MERTK: variants seen among roughly 807,000 people sequenced by gnomAD.
MERTK encodes MER proto-oncogene, tyrosine kinase.
Under a neutral mutation model 99.3 loss-of-function variants are expected in MERTK, and 69 were observed. That is an observed-to-expected ratio of 0.70 (90% CI 0.57 to 0.85). The LOEUF (loss-of-function observed/expected upper bound fraction) is 0.85, where lower values mean the gene tolerates loss of function less well. Among genes scored for constraint, MERTK ranks in the 40% least tolerant of loss-of-function variants. MERTK has a pLI of 0.00. For missense variants in MERTK, 1,125 were observed against 1,249.4 expected (o/e 0.90, Z 1.50); for synonymous variants, 426 against 467.6 (o/e 0.91, Z 1.15).
Position 111,903,070 on chromosome 2 carries a change from C to T in MERTK, c.61+4274C>T, listed in dbSNP as rs1467498548. On this transcript the variant is annotated intron_variant, in intron 1 of 18. Coordinates refer to ENST00000295408, the MANE Select transcript of MERTK (RefSeq NM_006343.3). ...CAGAGATTACAGGCGTGAGCTATGG[C>T]ACCCAGCCTTACCTCTTTGTTTACT... 2.0e-5 allele frequency among the ~76,000 whole-genome samples: 3 copies of T among 152,328 alleles called. No individual in the cohort carries two copies. In the East Asian group the frequency reaches 5.8e-4, roughly 29 times the overall value.
At chr2:111,905,429 T>G (rs1434522244) in intron 1 of MERTK, among the ~76,000 whole-genome samples, 2 of 121,678 alleles carry the variant, frequency 1.6e-5, no homozygotes, top group Admixed American at 1.1e-4. Context: ...AAACCTACAC[T>G]GTTCTTTTTT....
At position 111,947,579 on chromosome 2, in the gene MERTK, C is replaced by T; in HGVS notation, c.757+12C>T. On this transcript the variant is annotated intron_variant, in intron 4 of 18. Transcript: ENST00000295408. ...GCTAACTGTTCCAGGTAAGTCCGAGCTGTGGGCTTATTGATTTATTCTCTA... is the reference window on the plus strand; with the variant it reads ...GCTAACTGTTCCAGGTAAGTCCGAGTTGTGGGCTTATTGATTTATTCTCTA... 1 of 1,613,746 alleles carries T rather than the reference C, an allele frequency of 6.2e-7. No homozygotes were observed. Among genetic ancestry groups the T allele is most frequent in the Non-Finnish European group, 8.5e-7 (1 of 1,179,900 alleles).
intron 18 of MERTK, among the ~76,000 whole-genome samples, chr2:112,026,643 G>A (rs1248471102): frequency 4.6e-5 from 7 of 152,224 alleles, no homozygotes; most frequent in Admixed American, 1.3e-4. Context: ...GAAATGCGCC[G>A]TGCCGTTGTC....
chr2:111,954,464 A>T (rs1220857773), intron 4 of MERTK, among the ~76,000 whole-genome samples: 1 of 152,168 alleles, frequency 6.6e-6, no homozygotes, highest in Non-Finnish European at 1.5e-5. Context: ...AGTGATTATT[A>T]TGTATGATTT....
chr2:111,923,286 C>A (rs1684499289), intron 1 of MERTK, among the ~76,000 whole-genome samples: 1 of 152,158 alleles, frequency 6.6e-6, no homozygotes, highest in Non-Finnish European at 1.5e-5. Context: ...TAATCAGGTC[C>A]CTTGGGCCTG....
At chr2:112,000,844 G>A (rs1392029270) in intron 10 of MERTK, among the ~76,000 whole-genome samples, 2 of 152,154 alleles carry the variant, frequency 1.3e-5, no homozygotes, top group Admixed American at 6.5e-5. Context: ...GGAGATTGGT[G>A]TCTTTTCTTC....
At chr2:112,022,636 C>A in intron 18 of MERTK, 1 of 738,796 alleles carries the variant, frequency 1.4e-6, no homozygotes, top group Non-Finnish European at 2.5e-6. Context: ...CAGTCTCGAA[C>A]GACAGGCACG....
chr2:112,009,950 G>A lies in MERTK; in HGVS notation c.1963G>A (p.Val655Met), dbSNP rs754159862. ...SHPNVIRLLGVCIEMSSQGIP... is the reference protein window; with the variant it reads ...SHPNVIRLLGMCIEMSSQGIP... ...TGATGCTGTGTTTGTAATTTCAGGT[G>A]TGTGTATAGAAATGAGCTCTCAAGG... Residue 655 changes from valine to methionine, a missense_variant and splice_region_variant, in exon 15 of 19, where the codon GTG becomes ATG. Val to Met is a conservative substitution (Grantham distance 21, BLOSUM62 1). Coordinates refer to ENST00000295408, the MANE Select transcript of MERTK (RefSeq NM_006343.3). 8.7e-6 allele frequency: 14 copies of A among 1,602,384 alleles called. No homozygotes were observed. Among genetic ancestry groups the A allele is most frequent in the South Asian group, 1.1e-5 (1 of 90,850 alleles).
intron 2 of MERTK, among the ~76,000 whole-genome samples, chr2:111,943,887 A>G (rs961633981): frequency 1.3e-5 from 2 of 152,118 alleles, no homozygotes; most frequent in African/African-American, 2.4e-5. Context: ...GCCCCTAAAA[A>G]CCCATGGAGC....
rs796928519 is a variant in MERTK, at chr2:111,929,416, C to T, written c.358C>T (p.Pro120Ser). 7 of 1,613,960 alleles carry T rather than the reference C, an allele frequency of 4.3e-6. No homozygotes were observed. The African/African-American group carries it at 9.3e-5, about 22-fold the overall frequency. Reference protein sequence around the residue: ...GVKFNCSISVPNIYQDTTISW... With the variant: ...GVKFNCSISVSNIYQDTTISW... ...CAAATTTAATTGCTCAATCAGTGTA[C>T]CTAATATATACCAGGACACCACAAT... The change falls in exon 2 of 19, where the codon CCT (proline) becomes TCT (serine). Residue 120 changes from proline (P) to serine (S), a missense_variant. Pro to Ser is a moderately conservative substitution (Grantham distance 74, BLOSUM62 -1). Coordinates refer to ENST00000295408, the MANE Select transcript of MERTK (RefSeq NM_006343.3).
At chr2:111,935,947 T>C (rs934002903) in intron 2 of MERTK, among the ~76,000 whole-genome samples, 9 of 152,096 alleles carry the variant, frequency 5.9e-5, no homozygotes, top group Non-Finnish European at 1.3e-4. Flanking sequence ...GACAGAGTCT[T>C]GCTCTGTCAC....
At position 111,944,534 on chromosome 2, in the gene MERTK, G is replaced by GTTTTAGGGAATTATTC. The variant is rs1573589856; in HGVS notation, c.483-426_483-425insTTTTAGGGAATTATTC. Among the ~76,000 whole-genome samples the GTTTTAGGGAATTATTC allele has an allele frequency of 8.5e-5, 2 of 23,604 alleles. 1 individual carries two copies. The highest frequency in any genetic ancestry group is 1.9e-4 in the Non-Finnish European group (2 of 10,480). 15.5% of individuals were successfully genotyped at this position (23,604 alleles called of 152,430 possible). A position where few individuals can be genotyped will look rare whatever the true frequency, so the allele number is the denominator to read the frequency against. ...ATAATTCCTCTGTTTTAAGGAATTA[G>GTTTTAGGGAATTATTC]CTCACACACAGTGGGGGCTGACAAA... On this transcript the variant is annotated intron_variant, in intron 2 of 18. Transcript: ENST00000295408.
chr2:112,008,573 C>T (rs369239426), intron 14 of MERTK, 98 bp downstream of exon 14: 10 of 868,032 alleles, frequency 1.2e-5, no homozygotes, highest in African/African-American at 1.6e-5. Flanking sequence ...GTTTACACTT[C>T]GTATAACCCC....
chr2:111,980,608 C>T (rs180878054), intron 7 of MERTK, among the ~76,000 whole-genome samples: 13 of 151,978 alleles, frequency 8.6e-5, no homozygotes, highest in South Asian at 2.1e-4. Context: ...TTAGTAGAGA[C>T]GGGGTTTCAC....
intron 18 of MERTK, among the ~76,000 whole-genome samples, chr2:112,024,421 GT>G (rs753369175): frequency 1.1e-4 from 16 of 152,252 alleles, no homozygotes; most frequent in Non-Finnish European, 1.9e-4. Flanking sequence ...CACACGCCGT[GT>G]GGCTGGGGAA....
intron 16 of MERTK, 74 bp from the exon 17 acceptor site, chr2:112,021,348 C>T (rs1318321743): frequency 1.9e-6 from 3 of 1,601,120 alleles, no homozygotes; most frequent in African/African-American, 2.7e-5. Flanking sequence ...AGTGTTTTCA[C>T]CTGTGTCTGA....
rs1232658911 is a variant in MERTK, at chr2:112,001,207, A to T, written c.1611A>T (p.Ala537=). The part of the protein sequence containing the change: ...KRVQETKFGN[A]FTEEDSELVV... ...TTTGTTTTCATTCACCCAGGAATGC[A>T]TTCACAGAGGAGGATTCTGAATTAG... The change falls in exon 11 of 19, where the codon GCA becomes GCT. Residue 537 remains alanine, a synonymous_variant. Transcript: ENST00000295408. The T allele has an allele frequency of 1.9e-6, 3 of 1,612,418 alleles. No homozygotes were observed. Among genetic ancestry groups the T allele is most frequent in the Admixed American group, 3.3e-5 (2 of 60,020 alleles).
At chr2:111,975,163 G>A (rs1263482844) in intron 6 of MERTK, 126 bp from the exon 7 acceptor site, 3 of 899,318 alleles carry the variant, frequency 3.3e-6, no homozygotes, top group Non-Finnish European at 5.6e-6. Context: ...TGTGTGCCCA[G>A]AAAGGAAGCA....
chr2:112,029,397 A>C lies in MERTK; in HGVS notation c.*533A>C. The C allele has an allele frequency of 1.1e-6, 1 of 919,272 alleles. No homozygotes were observed. Among genetic ancestry groups the C allele is most frequent in the Admixed American group, 6.1e-5 (1 of 16,466 alleles). 56.9% of individuals were successfully genotyped at this position (919,272 alleles called of 1,614,324 possible). A position where few individuals can be genotyped will look rare whatever the true frequency, so the allele number is the denominator to read the frequency against. Reference sequence around the variant, plus strand: ...ATGTTGAACTTACTTGAGACTTGAAAGACAGTGGTCGGCAGCGGCCTTGTG... The same window carrying C: ...ATGTTGAACTTACTTGAGACTTGAACGACAGTGGTCGGCAGCGGCCTTGTG... On this transcript the variant is annotated 3_prime_UTR_variant, in exon 19 of 19. Transcript: ENST00000295408.
Sources: gnomAD v4.1 joint callset for allele counts (sites outside exome capture counted in the v4.1 genomes callset) on GRCh38, gnomAD v4.1.1 for gene constraint, MANE v1.5 for transcripts, NCBI Gene and HGNC (gene_info 2026-07-23, HGNC 2026-07-21) for gene names.